The following CDH23 variants were observed in gnomAD, a reference collection of about 807,000 sequenced individuals.
CDH23 encodes the protein cadherin-23.
CDH23 carries 189 observed loss-of-function variants against 317.1 expected under a neutral mutation model. The ratio of observed to expected loss-of-function variants is 0.60; its 90% CI spans 0.53 to 0.67. CDH23 has a LOEUF of 0.67. Ranked by LOEUF, CDH23 falls within the 30% of genes least tolerant of loss-of-function variation. The probability of loss-of-function intolerance (pLI) is 0.00; values close to 1 mark genes in which losing one functional copy is unlikely to be tolerated. For missense variants in CDH23, 4,401 were observed against 4,592.4 expected (o/e 0.96, Z 1.20); for synonymous variants, 1,839 against 1,876.8 (o/e 0.98, Z 0.52).
rs892833369 is a variant in CDH23 at position 71,456,562 on chromosome 10, G to A, written c.145+10167G>A. Among the ~76,000 whole-genome samples, 16 of 152,196 alleles carry A rather than the reference G, an allele frequency of 1.1e-4. 1 individual carries two copies. Among genetic ancestry groups the A allele is most frequent in the African/African-American group, 3.1e-4 (13 of 41,508 alleles). On this transcript the variant is annotated intron_variant, in intron 3 of 69. Coordinates refer to ENST00000224721, the MANE Select transcript of CDH23 (RefSeq NM_022124.6). ...GGGGCGGGGCTGGTGTTTTGGATGCGGCCATAATAACACTAATGATAATGA... is the reference window on the plus strand; with the variant it reads ...GGGGCGGGGCTGGTGTTTTGGATGCAGCCATAATAACACTAATGATAATGA...
chr10:71,455,265 C>T (rs1271832889), intron 3 of CDH23, among the ~76,000 whole-genome samples: 3 of 152,136 alleles, frequency 2.0e-5, no homozygotes, highest in Non-Finnish European at 4.4e-5. Flanking sequence ...CTTGCATAAC[C>T]ATGATACAAT....
intron 1 of CDH23, among the ~76,000 whole-genome samples, chr10:71,406,588 A>T (rs759706391): frequency 6.6e-6 from 1 of 152,202 alleles, no homozygotes; most frequent in Non-Finnish European, 1.5e-5. Flanking sequence ...TGTTTGGTCT[A>T]TGTTGCTAAG....
In CDH23 at chr10:71,510,168, T is replaced by A; in HGVS notation, c.232T>A (p.Phe78Ile). The A allele has an allele frequency of 6.2e-7, 1 of 1,614,006 alleles. No homozygotes were observed. The highest frequency in any genetic ancestry group is 2.2e-5 in the East Asian group (1 of 44,884). ...GVSGEEASRF[F>I]AVEPDTGVVW... ...GTCTGGGGAGGAGGCCTCTCGCTTC[T>A]TTGCAGTGGAGCCTGACACTGGCGT... The change falls in exon 4 of 70, where the codon TTT becomes ATT. Residue 78 changes from phenylalanine (F) to isoleucine (I), a missense_variant. By Grantham distance (21) the Phe-to-Ile change is conservative. Coordinates refer to ENST00000224721, the MANE Select transcript of CDH23 (RefSeq NM_022124.6).
rs775879968 is a variant in CDH23, at chr10:71,800,657, T to C, written c.7384T>C (p.Ser2462Pro). 7 of 1,613,846 alleles carry C rather than the reference T, an allele frequency of 4.3e-6. No homozygotes were observed. The East Asian group carries it at 1.3e-4, about 31-fold the overall frequency. The stretch of plus-strand genomic sequence containing the variant: ...CTAGGGTGACATCTATGTGCTGTCT[T>C]CTCTGGACCGGGAGAAGAAGGACCA... ...PTTGDIYVLS[S>P]LDREKKDHYI... Residue 2462 changes from serine (S) to proline (P), a missense_variant, in exon 53 of 70, where the codon TCT (serine) becomes CCT (proline). Ser to Pro is a moderately conservative substitution (Grantham distance 74). Coordinates refer to ENST00000224721, the MANE Select transcript of CDH23 (RefSeq NM_022124.6).
intron 41 of CDH23, among the ~76,000 whole-genome samples, chr10:71,782,185 C>T (rs559338227): frequency 3.2e-4 from 49 of 152,334 alleles, no homozygotes; most frequent in Non-Finnish European, 6.3e-4. Flanking sequence ...AGCTGGGAGA[C>T]AGGCCACATG....
intron 7 of CDH23, among the ~76,000 whole-genome samples, chr10:71,570,005 A>G (rs1409677591): frequency 6.6e-6 from 1 of 151,996 alleles, no homozygotes; most frequent in African/African-American, 2.4e-5. Flanking sequence ...GGCTCAAGTG[A>G]TTGCCCCACC....
At chr10:71,440,647 C>G (rs1168231453) in intron 2 of CDH23, among the ~76,000 whole-genome samples, 2 of 152,214 alleles carry the variant, frequency 1.3e-5, no homozygotes, top group African/African-American at 4.8e-5. Flanking sequence ...AGAGTGCCAG[C>G]TCCAGAGCCC....
At chr10:71,481,277 C>T (rs892268117) in intron 3 of CDH23, among the ~76,000 whole-genome samples, 1 of 152,122 alleles carries the variant, frequency 6.6e-6, no homozygotes, top group African/African-American at 2.4e-5. Context: ...AGTTCCCTGC[C>T]TCCAGAGGGT....
chr10:71,439,721 C>T, intron 1 of CDH23, 106 bp from the exon 2 acceptor site: 1 of 778,766 alleles, frequency 1.3e-6, no homozygotes, highest in Non-Finnish European at 2.1e-6. Flanking sequence ...CTCCTCCCTT[C>T]CCAGCCCCAG....
rs765103490 is a variant in CDH23, at chr10:71,566,749, C to T, written c.437C>T (p.Pro146Leu). 2.5e-6 allele frequency: 4 copies of T among 1,602,674 alleles called. No homozygotes were observed. The highest frequency in any genetic ancestry group is 1.1e-5 in the South Asian group (1 of 89,730). ...PYSVRIPENT[P>L]VGTPIFIVNA... is the part of the protein sequence containing the mutation. ...CTTTGCTCTCATCCCCAGAATACAC[C>T]AGTGGGGACGCCCATCTTCATCGTG... Residue 146 changes from proline to leucine, a missense_variant, in exon 7 of 70, where the codon CCA becomes CTA. By Grantham distance (98) the Pro-to-Leu change is moderately conservative. Around this residue, in one of 3 missense-constraint regions of CDH23, gnomAD observed 3,068 missense variants for 3,203.3 expected, o/e 0.96. Coordinates refer to ENST00000224721, the MANE Select transcript of CDH23 (RefSeq NM_022124.6).
At chr10:71,680,829 C>CTTTTTTTTTTTTTTTTTTTTTTTTT (rs1312991062) in intron 17 of CDH23, among the ~76,000 whole-genome samples, 3 of 70,128 alleles carry the variant, frequency 4.3e-5, no homozygotes, top group Non-Finnish European at 7.4e-5. Context: ...TTTTCTTTTT[C>CTTTTTTTTTTTTTTTTTTTTTTTTT]TTTTTTTTTT....
At chr10:71,398,649 G>C (rs186531894) in intron 1 of CDH23, among the ~76,000 whole-genome samples, 2 of 152,096 alleles carry the variant, frequency 1.3e-5, no homozygotes, top group Non-Finnish European at 2.9e-5. Flanking sequence ...GGCGCACTGC[G>C]GTCAGCACCT....
intron 6 of CDH23, among the ~76,000 whole-genome samples, chr10:71,535,184 A>C (rs1855627574): frequency 6.6e-6 from 1 of 152,250 alleles, no homozygotes; most frequent in South Asian, 2.1e-4. Flanking sequence ...AAGGAAGGGC[A>C]GACTGGTTGG....
rs3802712 is a variant in CDH23 at position 71,723,999 on chromosome 10, T to C, written c.3370-46T>C. 103,905 of 1,548,538 alleles carry C rather than the reference T, an allele frequency of 0.067. 11,846 individuals are homozygous for C. Among genetic ancestry groups the C allele is most frequent in the African/African-American group, 0.43 (31,423 of 73,026 alleles). On this transcript the variant is annotated intron_variant, in intron 28 of 69. Coordinates refer to ENST00000224721, the MANE Select transcript of CDH23 (RefSeq NM_022124.6). ...GAACTCTAAAAACCTCTTCTCTCCC[T>C]GCTGGGTGGCATTCAAGAAGTAACT...
intron 14 of CDH23, among the ~76,000 whole-genome samples, chr10:71,671,657 A>G: frequency 6.6e-6 from 1 of 151,888 alleles, no homozygotes; most frequent in Non-Finnish European, 1.5e-5. Flanking sequence ...CTGCCTGGAT[A>G]GGGCAGGATG....
intron 22 of CDH23, among the ~76,000 whole-genome samples, chr10:71,700,464 C>G (rs1324857890): frequency 1.3e-5 from 2 of 152,222 alleles, no homozygotes; most frequent in Non-Finnish European, 2.9e-5. Flanking sequence ...TCTTCTATGT[C>G]CATCTGTGAA....
chr10:71,625,244 G>A (rs1264058794), intron 11 of CDH23, among the ~76,000 whole-genome samples: 3 of 151,660 alleles, frequency 2.0e-5, no homozygotes, highest in South Asian at 2.1e-4. Flanking sequence ...GAGCGGAGGG[G>A]CCTGCACTGC....
intron 30 of CDH23, among the ~76,000 whole-genome samples, chr10:71,726,524 C>A (rs781703870): frequency 6.6e-6 from 1 of 152,218 alleles, no homozygotes; most frequent in Non-Finnish European, 1.5e-5. Context: ...TGGGAAGACA[C>A]CTGGGTCCTT....
rs1011909399 is a variant in CDH23, at chr10:71,730,566, C to T, written c.3677C>T (p.Thr1226Met). Reference protein sequence around the residue: ...LGLRETAGIGTSVIVVQATDR... With the variant: ...LGLRETAGIGMSVIVVQATDR... ...CTTCGAGAGACCGCAGGCATTGGAA[C>T]GTCAGTCATCGTGGTCCAAGCCACA... is the stretch of plus-strand genomic sequence containing the variant. The change falls in exon 31 of 70, where the codon ACG becomes ATG. Residue 1226 changes from threonine (T) to methionine (M), a missense_variant. Thr to Met is a moderately conservative substitution (Grantham distance 81). Around this residue, in one of 3 missense-constraint regions of CDH23, gnomAD observed 3,068 missense variants for 3,203.3 expected, o/e 0.96. Transcript: ENST00000224721. 20 of 1,613,912 alleles carry T rather than the reference C, an allele frequency of 1.2e-5. No individual in the cohort carries two copies. The highest frequency in any genetic ancestry group is 1.6e-5 in the Non-Finnish European group (19 of 1,179,892).
Sources: allele counts gnomAD v4.1 joint callset (sites outside exome capture counted in the v4.1 genomes callset), GRCh38; gene constraint gnomAD v4.1.1; regional missense constraint gnomAD v4.1.1; transcripts MANE v1.5; gene names NCBI Gene and HGNC (gene_info 2026-07-23, HGNC 2026-07-21).